The following MTUS1 variants were observed in gnomAD, a reference collection of about 807,000 sequenced individuals.
The protein encoded by MTUS1 is microtubule-associated tumor suppressor 1.
A neutral mutation model predicts 120.8 loss-of-function variants in MTUS1; 109 were observed. That is an observed-to-expected ratio of 0.90 (90% CI 0.77 to 1.06). The LOEUF is 1.06. Among genes scored for constraint, MTUS1 ranks in the 50% least tolerant of loss-of-function variants. The pLI, the probability that MTUS1 is intolerant of heterozygous loss-of-function variation, is 0.00. For synonymous variants in MTUS1, 737 were observed against 550.5 expected (o/e 1.34, Z -4.74); for missense variants, 2,210 against 1,486.3 (o/e 1.49, Z -8.01).
intron 3 of MTUS1, among the ~76,000 whole-genome samples, chr8:17,740,253 G>T (rs534318057): frequency 6.6e-6 from 1 of 152,088 alleles, no homozygotes; most frequent in Non-Finnish European, 1.5e-5. Context: ...AGCTGTGTTG[G>T]GTTTAATTAC....
intron 6 of MTUS1, among the ~76,000 whole-genome samples, chr8:17,710,054 G>C (rs1032812335): frequency 4.6e-5 from 7 of 152,014 alleles, no homozygotes; most frequent in Non-Finnish European, 8.8e-5. Flanking sequence ...GCTAAAAAAT[G>C]CTAAAGATCA....
At chr8:17,728,574 A>G (rs2046364429) in intron 3 of MTUS1, among the ~76,000 whole-genome samples, 1 of 152,256 alleles carries the variant, frequency 6.6e-6, no homozygotes. Flanking sequence ...CGTTCTCAGT[A>G]AAAACTGTAA....
At chr8:17,734,206 G>C (rs930677836) in intron 3 of MTUS1, 2 of 152,166 alleles carry the variant, frequency 1.3e-5, no homozygotes, top group African/African-American at 2.4e-5. Flanking sequence ...GACTTACCTA[G>C]CATACACGCT....
intron 1 of MTUS1, among the ~76,000 whole-genome samples, chr8:17,788,445 TTC>T (rs919176393): frequency 1.3e-4 from 20 of 152,298 alleles, no homozygotes; most frequent in Non-Finnish European, 2.8e-4. Flanking sequence ...TAGTTACCGT[TTC>T]TGTCTCTTTA....
At chr8:17,685,267 G>T (rs978161660) in intron 6 of MTUS1, among the ~76,000 whole-genome samples, 2 of 151,766 alleles carry the variant, frequency 1.3e-5, no homozygotes, top group Middle Eastern at 3.4e-3. Flanking sequence ...AAAATGCCAC[G>T]CTAAGTGATT....
At chr8:17,793,964 A>G (rs927853568) in intron 1 of MTUS1, among the ~76,000 whole-genome samples, 2 of 152,178 alleles carry the variant, frequency 1.3e-5, no homozygotes, top group Non-Finnish European at 2.9e-5. Flanking sequence ...AAGAGGTCAA[A>G]TTCTTTTTTT....
At chr8:17,699,090 G>A (rs1308211557) in intron 6 of MTUS1, among the ~76,000 whole-genome samples, 1 of 152,070 alleles carries the variant, frequency 6.6e-6, no homozygotes, top group Non-Finnish European at 1.5e-5. Flanking sequence ...GAAGAACAGA[G>A]TCAAATTTTG....
chr8:17,691,853 C>T (rs926570425), intron 6 of MTUS1: 3 of 152,074 alleles, frequency 2.0e-5, no homozygotes, highest in African/African-American at 7.2e-5. Context: ...TCCATAAATG[C>T]GCTAATAACA....
At chr8:17,683,544 G>A (rs1006469059) in intron 7 of MTUS1, among the ~76,000 whole-genome samples, 15 of 151,830 alleles carry the variant, frequency 9.9e-5, no homozygotes, top group African/African-American at 3.4e-4. Context: ...CTCCCTCCTC[G>A]TCTTCCCAAA....
chr8:17,680,129 G>A (rs1162818009), intron 7 of MTUS1, among the ~76,000 whole-genome samples: 1 of 151,968 alleles, frequency 6.6e-6, no homozygotes, highest in African/African-American at 2.4e-5. Context: ...GAATCCAGAC[G>A]GGAACAGAAC....
intron 5 of MTUS1, among the ~76,000 whole-genome samples, chr8:17,713,482 T>C (rs1821730514): frequency 6.6e-6 from 1 of 151,976 alleles, no homozygotes; most frequent in Non-Finnish European, 1.5e-5. Flanking sequence ...TCACCACAAA[T>C]TAAATAGGAC....
chr8:17,654,664 A>C lies in MTUS1; in HGVS notation c.3111T>G (p.Phe1037Leu), dbSNP rs370036504. 2 of 1,611,728 alleles carry C rather than the reference A, an allele frequency of 1.2e-6. No homozygotes were observed. The highest frequency in any genetic ancestry group is 2.7e-5 in the African/African-American group (2 of 75,022). Reference protein sequence around the residue: ...EKYKMQLQEQFDNLNAAHETS... With the variant: ...EKYKMQLQEQLDNLNAAHETS... ...TTTCATGCGCAGCATTTAAGTTGTC[A>C]AACTGTAAGCAACAAACAAAACCGT... is the stretch of plus-strand genomic sequence containing the variant. The change falls in exon 10 of 15, where the codon TTT becomes TTG. Residue 1037 changes from phenylalanine (F) to leucine (L), a missense_variant and splice_region_variant. Coordinates refer to ENST00000693296, the MANE Select transcript of MTUS1 (RefSeq NM_001363059.2).
chr8:17,778,920 T>G (rs1299295300), intron 1 of MTUS1, among the ~76,000 whole-genome samples: 6 of 152,244 alleles, frequency 3.9e-5, no homozygotes, highest in Non-Finnish European at 8.8e-5. Context: ...CATTCATCAT[T>G]CATCAAATGT....
At chr8:17,739,226 G>A (rs1007385493) in intron 3 of MTUS1, among the ~76,000 whole-genome samples, 20 of 152,144 alleles carry the variant, frequency 1.3e-4, no homozygotes, top group African/African-American at 4.3e-4. Flanking sequence ...AGGCGCGGTG[G>A]CTCACTCCTG....
intron 6 of MTUS1, among the ~76,000 whole-genome samples, chr8:17,709,198 T>C (rs1820778844): frequency 6.6e-6 from 1 of 151,994 alleles, no homozygotes; most frequent in Admixed American, 6.6e-5. Flanking sequence ...CTTATTACAC[T>C]GAGGAAACTG....
intron 1 of MTUS1, among the ~76,000 whole-genome samples, chr8:17,798,338 A>ATT (rs1275134105): frequency 6.8e-6 from 1 of 147,816 alleles, no homozygotes; most frequent in Non-Finnish European, 1.5e-5. Context: ...AATTTGGGGA[A>ATT]TTTTTTTTTT....
intron 1 of MTUS1, among the ~76,000 whole-genome samples, chr8:17,789,072 G>T (rs1396524858): frequency 2.0e-5 from 3 of 147,820 alleles, no homozygotes; most frequent in East Asian, 4.0e-4. Flanking sequence ...CACTCTTATT[G>T]CCCAGGCTGG....
At chr8:17,745,288 T>C (rs892803189) in intron 2 of MTUS1, among the ~76,000 whole-genome samples, 1 of 152,172 alleles carries the variant, frequency 6.6e-6, no homozygotes, top group African/African-American at 2.4e-5. Flanking sequence ...ATCTCTTATA[T>C]GAAATGGTGT....
intron 6 of MTUS1, among the ~76,000 whole-genome samples, chr8:17,696,404 G>GA (rs1296043637): frequency 3.3e-5 from 5 of 151,990 alleles, no homozygotes; most frequent in African/African-American, 1.2e-4. Context: ...ACATGAAGCA[G>GA]AAACAAAAAT....
Sources: gnomAD v4.1 joint callset for allele counts (sites outside exome capture counted in the v4.1 genomes callset) on GRCh38, gnomAD v4.1.1 for gene constraint, MANE v1.5 for transcripts, NCBI Gene and HGNC (gene_info 2026-07-23, HGNC 2026-07-21) for gene names.